Variants in SLC30A8 observed in about 807,000 individuals in gnomAD.
The protein encoded by SLC30A8 is proton-coupled zinc antiporter SLC30A8.
A neutral mutation model predicts 36.9 loss-of-function variants in SLC30A8; 27 were observed. The observed-to-expected ratio is 0.73, with a 90% CI of 0.54 to 1.01. SLC30A8 has a LOEUF of 1.01. Among genes scored for constraint, SLC30A8 ranks in the 50% least tolerant of loss-of-function variants. The pLI is 0.00. For missense variants in SLC30A8, 439 were observed against 452.0 expected (o/e 0.97, Z 0.26); for synonymous variants, 164 against 172.4 (o/e 0.95, Z 0.38).
intron 2 of SLC30A8, among the ~76,000 whole-genome samples, chr8:117,119,984 TAAA>T (rs1820621636): frequency 6.6e-6 from 1 of 151,770 alleles, no homozygotes; most frequent in African/African-American, 2.4e-5. Flanking sequence ...CATAAGTAAA[TAAA>T]AAGACATCTT....
chr8:117,123,213 C>T (rs1047332337), intron 2 of SLC30A8, among the ~76,000 whole-genome samples: 5 of 151,848 alleles, frequency 3.3e-5, no homozygotes, highest in Non-Finnish European at 5.9e-5. Flanking sequence ...TTAATAATGG[C>T]GACAGACAGG....
chr8:117,038,487 A>G (rs1248327725), intron 1 of SLC30A8, among the ~76,000 whole-genome samples: 1 of 152,262 alleles, frequency 6.6e-6, no homozygotes, highest in Non-Finnish European at 1.5e-5. Context: ...TATAGTCTTT[A>G]TTAGATGAAC....
rs963713014 is a variant in SLC30A8 at position 116,984,517 on chromosome 8, A to G, written c.-266+33398A>G. Among the ~76,000 whole-genome samples the G allele has an allele frequency of 5.9e-5, 9 of 152,120 alleles. No homozygotes were observed. In the East Asian group the frequency reaches 9.6e-4, roughly 16 times the overall value. On this transcript the variant is annotated intron_variant, in intron 1 of 10. Transcript: ENST00000427715. ...TTTTAGCTATTCTGATAGTTGTGTAATGATGTCTCATTGGGGTTTTAATTT... is the reference window on the plus strand; with the variant it reads ...TTTTAGCTATTCTGATAGTTGTGTAGTGATGTCTCATTGGGGTTTTAATTT...
At chr8:117,090,294 C>T (rs1031634177) in intron 2 of SLC30A8, among the ~76,000 whole-genome samples, 2 of 152,168 alleles carry the variant, frequency 1.3e-5, no homozygotes, top group Non-Finnish European at 2.9e-5. Flanking sequence ...CTAGCTTTAT[C>T]TACTAACTCC....
intron 1 of SLC30A8, among the ~76,000 whole-genome samples, chr8:117,023,864 A>T (rs1816789798): frequency 6.6e-6 from 1 of 152,092 alleles, no homozygotes; most frequent in Admixed American, 6.6e-5. Flanking sequence ...AAAACTTAAA[A>T]AAAAAAGAAC....
intron 2 of SLC30A8, among the ~76,000 whole-genome samples, chr8:117,114,873 T>A (rs187819904): frequency 1.3e-5 from 2 of 152,034 alleles, no homozygotes; most frequent in East Asian, 3.9e-4. Context: ...GTTAATTGCC[T>A]TCTTTGTCTT....
At chr8:116,989,028 C>T (rs1174901540) in intron 1 of SLC30A8, among the ~76,000 whole-genome samples, 1 of 152,142 alleles carries the variant, frequency 6.6e-6, no homozygotes, top group African/African-American at 2.4e-5. Flanking sequence ...GATAGATATT[C>T]AAAAACCACT....
intron 2 of SLC30A8, among the ~76,000 whole-genome samples, chr8:117,149,873 G>T (rs1158829314): frequency 6.6e-6 from 1 of 152,138 alleles, no homozygotes; most frequent in Non-Finnish European, 1.5e-5. Flanking sequence ...GCAGCTCAGG[G>T]TTCAAGGTGG....
At chr8:116,991,912 A>G (rs1815657194) in intron 1 of SLC30A8, among the ~76,000 whole-genome samples, 1 of 152,230 alleles carries the variant, frequency 6.6e-6, no homozygotes, top group African/African-American at 2.4e-5. Context: ...ATCAAGGTCC[A>G]TTTAATTTTG....
intron 2 of SLC30A8, among the ~76,000 whole-genome samples, chr8:117,057,390 C>T (rs2130781264): frequency 6.6e-6 from 1 of 152,180 alleles, no homozygotes; most frequent in Admixed American, 6.5e-5. Context: ...TGGGTCCTAT[C>T]ATTACCTACT....
chr8:116,984,592 C>T (rs1815380656), intron 1 of SLC30A8, among the ~76,000 whole-genome samples: 2 of 152,140 alleles, frequency 1.3e-5, no homozygotes, highest in South Asian at 4.2e-4. Context: ...ATCTGTATAT[C>T]CTCTTCAGTA....
At chr8:117,072,698 C>A (rs1362494027) in intron 2 of SLC30A8, among the ~76,000 whole-genome samples, 1 of 152,082 alleles carries the variant, frequency 6.6e-6, no homozygotes, top group South Asian at 2.1e-4. Flanking sequence ...TTTATAGACC[C>A]ATCTATGTGA....
At chr8:116,953,854 C>T (rs1489276685) in intron 1 of SLC30A8, among the ~76,000 whole-genome samples, 1 of 152,158 alleles carries the variant, frequency 6.6e-6, no homozygotes, top group Non-Finnish European at 1.5e-5. Flanking sequence ...AAGATCTCTA[C>T]TCCATCTTAA....
chr8:116,973,010 T>C (rs1213192404), intron 1 of SLC30A8, among the ~76,000 whole-genome samples: 2 of 152,112 alleles, frequency 1.3e-5, no homozygotes, highest in Non-Finnish European at 2.9e-5. Flanking sequence ...GGAAGGTGAT[T>C]AGGTCTCATG....
At chr8:117,112,986 A>T (rs1443754833) in intron 2 of SLC30A8, among the ~76,000 whole-genome samples, 2 of 152,130 alleles carry the variant, frequency 1.3e-5, no homozygotes, top group African/African-American at 4.8e-5. Flanking sequence ...CTGTTCCTTT[A>T]TTCAGTCAAC....
intron 2 of SLC30A8, among the ~76,000 whole-genome samples, chr8:117,126,170 G>A (rs952168634): frequency 1.3e-5 from 2 of 151,782 alleles, no homozygotes; most frequent in Non-Finnish European, 2.9e-5. Flanking sequence ...CTCCATGTTA[G>A]TTGACTTGAC....
At chr8:117,031,172 C>T (rs1817031949) in intron 1 of SLC30A8, among the ~76,000 whole-genome samples, 1 of 152,106 alleles carries the variant, frequency 6.6e-6, no homozygotes, top group Non-Finnish European at 1.5e-5. Flanking sequence ...GAATATTAGG[C>T]CACATTTATA....
intron 2 of SLC30A8, among the ~76,000 whole-genome samples, chr8:117,082,369 A>G (rs1818701077): frequency 6.6e-6 from 1 of 152,246 alleles, no homozygotes; most frequent in African/African-American, 2.4e-5. Flanking sequence ...AAGAGAAAAA[A>G]AAATAGCTGA....
At chr8:117,117,101 C>A (rs1280776817) in intron 2 of SLC30A8, among the ~76,000 whole-genome samples, 1 of 151,828 alleles carries the variant, frequency 6.6e-6, no homozygotes, top group African/African-American at 2.4e-5. Context: ...CGAGGAAAGA[C>A]CCATCTTTAG....
Sources: allele counts gnomAD v4.1 joint callset (sites outside exome capture counted in the v4.1 genomes callset), GRCh38; gene constraint gnomAD v4.1.1; transcripts MANE v1.5; gene names NCBI Gene and HGNC (gene_info 2026-07-23, HGNC 2026-07-21).